Variants in PCDH15 observed in about 807,000 individuals in gnomAD.
PCDH15 encodes the protein protocadherin related 15, also known as protocadherin-15.
PCDH15 carries 129 observed loss-of-function variants against 178.5 expected under a neutral mutation model. The observed-to-expected ratio is 0.72, with a 90% CI of 0.63 to 0.84. The LOEUF (loss-of-function observed/expected upper bound fraction) is 0.84. Ranked by LOEUF, PCDH15 falls within the 40% of genes least tolerant of loss-of-function variation. PCDH15 has a pLI of 0.00. For synonymous variants in PCDH15, 800 were observed against 732.0 expected, an observed-to-expected ratio of 1.09 and a Z score of -1.50; for missense variants, 2,230 against 2,099.9, an observed-to-expected ratio of 1.06 and a Z score of -1.21.
intron 7 of PCDH15, among the ~76,000 whole-genome samples, chr10:54,327,168 A>T (rs1417375615): frequency 1.4e-5 from 2 of 138,234 alleles, no homozygotes; most frequent in African/African-American, 5.5e-5. Context: ...TCTATTAAAA[A>T]ATTATATCTT....
intron 2 of PCDH15, among the ~76,000 whole-genome samples, chr10:54,537,383 A>G (rs945437284): frequency 1.3e-5 from 2 of 152,140 alleles, no homozygotes; most frequent in Non-Finnish European, 2.9e-5. Context: ...AAACTACTCT[A>G]AAATATCAAG....
chr10:54,948,926 A>T (rs867829327), intron 2 of PCDH15, among the ~76,000 whole-genome samples: 12 of 151,934 alleles, frequency 7.9e-5, no homozygotes, highest in Admixed American at 2.6e-4. Flanking sequence ...GACACAGTAT[A>T]TGTTAGCCTT....
intron 2 of PCDH15, among the ~76,000 whole-genome samples, chr10:55,338,652 C>T (rs919866484): frequency 1.3e-5 from 2 of 151,986 alleles, no homozygotes; most frequent in Non-Finnish European, 2.9e-5. Context: ...CTTGTAATCC[C>T]TGCCACTTGG....
intron 2 of PCDH15, among the ~76,000 whole-genome samples, chr10:55,400,972 T>G (rs895389193): frequency 1.3e-5 from 2 of 152,074 alleles, no homozygotes; most frequent in Non-Finnish European, 2.9e-5. Flanking sequence ...CTCCTTTTGG[T>G]AAAAATATAA....
intron 1 of PCDH15, among the ~76,000 whole-genome samples, chr10:54,783,033 C>G (rs552060317): frequency 3.1e-4 from 47 of 152,074 alleles, no homozygotes; most frequent in Non-Finnish European, 2.2e-4. Context: ...AACTATTCCA[C>G]CAGTTGCACA....
chr10:55,219,707 GT>G (rs1173587911), intron 1 of PCDH15, among the ~76,000 whole-genome samples: 4 of 151,470 alleles, frequency 2.6e-5, no homozygotes, highest in African/African-American at 4.9e-5. Context: ...ATAACATTTA[GT>G]TTTTTTTAAA....
chr10:54,000,829 G>A (rs1039250377), intron 20 of PCDH15, among the ~76,000 whole-genome samples: 3 of 152,060 alleles, frequency 2.0e-5, no homozygotes, highest in Non-Finnish European at 1.5e-5. Flanking sequence ...CAATATCCAA[G>A]TACAAAAGAT....
rs1246309714 is a variant in PCDH15 at position 55,312,621 on chromosome 10, G to GAT, written c.-156+6977_-156+6978insAT. Among the ~76,000 whole-genome samples the GAT allele has an allele frequency of 8.9e-5, 13 of 145,330 alleles. 1 individual carries two copies. Among genetic ancestry groups the GAT allele is most frequent in the African/African-American group, 3.0e-4 (12 of 40,108 alleles). On this transcript the variant is annotated intron_variant, in intron 1 of 5. Coordinates refer to the PCDH15 transcript ENST00000458638. The stretch of plus-strand genomic sequence containing the variant: ...GATGTTGACTGCTCTAAGTAATAGA[G>GAT]TTTTTTTTTTTTTTAGACGTAGTTT...
chr10:55,544,135 C>CAGATAT (rs1841823291), intron 2 of PCDH15, among the ~76,000 whole-genome samples: 1 of 96,228 alleles, frequency 1.0e-5, no homozygotes, highest in East Asian at 2.7e-4. Flanking sequence ...AAATCTTATA[C>CAGATAT]ATACATATAT....
intron 2 of PCDH15, among the ~76,000 whole-genome samples, chr10:55,453,444 C>T (rs771792440): frequency 1.3e-5 from 2 of 152,084 alleles, no homozygotes; most frequent in Non-Finnish European, 2.9e-5. Flanking sequence ...CAAAAGCCAA[C>T]CTCTTTATGG....
intron 9 of PCDH15, among the ~76,000 whole-genome samples, chr10:54,216,593 C>G (rs2052095302): frequency 6.6e-6 from 1 of 152,174 alleles, no homozygotes; most frequent in Non-Finnish European, 1.5e-5. Flanking sequence ...ATTATTCCTA[C>G]ATTAAGATTT....
chr10:55,174,528 C>A (rs529997462), intron 1 of PCDH15, among the ~76,000 whole-genome samples: 2 of 152,146 alleles, frequency 1.3e-5, no homozygotes, highest in East Asian at 3.9e-4. Context: ...TGTCCAAGGT[C>A]GCATATGTGC....
At chr10:54,975,870 A>AC (rs921185038) in intron 2 of PCDH15, among the ~76,000 whole-genome samples, 2 of 152,180 alleles carry the variant, frequency 1.3e-5, no homozygotes, top group African/African-American at 4.8e-5. Flanking sequence ...AAATTAGCAC[A>AC]CTGGGGAATC....
intron 2 of PCDH15, among the ~76,000 whole-genome samples, chr10:55,344,727 G>C (rs987725524): frequency 6.6e-6 from 1 of 152,006 alleles, no homozygotes; most frequent in Non-Finnish European, 1.5e-5. Context: ...GTTGATTATA[G>C]ACTTCAAGGA....
At chr10:54,218,022 T>TG (rs1272065645) in intron 9 of PCDH15, among the ~76,000 whole-genome samples, 3 of 152,170 alleles carry the variant, frequency 2.0e-5, no homozygotes, top group Non-Finnish European at 4.4e-5. Flanking sequence ...ATTCATAAGT[T>TG]TACGAGTGTT....
intron 5 of PCDH15, among the ~76,000 whole-genome samples, chr10:54,362,659 G>T (rs1946223089): frequency 6.6e-6 from 1 of 151,950 alleles, no homozygotes; most frequent in African/African-American, 2.4e-5. Context: ...CGTGCGTCTA[G>T]AAAAACCTTT....
At chr10:54,263,065 TAC>T (rs751009406) in intron 8 of PCDH15, among the ~76,000 whole-genome samples, 1 of 152,242 alleles carries the variant, frequency 6.6e-6, no homozygotes, top group Non-Finnish European at 1.5e-5. Context: ...TCTTTGTCTC[TAC>T]ACTTGAAATA....
chr10:55,594,806 C>T (rs1842908250), intron 2 of PCDH15, among the ~76,000 whole-genome samples: 1 of 152,008 alleles, frequency 6.6e-6, no homozygotes, highest in Non-Finnish European at 1.5e-5. Flanking sequence ...CAAATTTCCC[C>T]TGATACACTC....
At chr10:55,077,891 A>C (rs979720090) in intron 2 of PCDH15, among the ~76,000 whole-genome samples, 1 of 151,644 alleles carries the variant, frequency 6.6e-6, no homozygotes, top group Non-Finnish European at 1.5e-5. Flanking sequence ...TCTCTTCTTT[A>C]TTTGTGTCAT....
Sources: gnomAD v4.1 joint callset for allele counts (sites outside exome capture counted in the v4.1 genomes callset) on GRCh38, gnomAD v4.1.1 for gene constraint, MANE v1.5 for transcripts, NCBI Gene and HGNC (gene_info 2026-07-23, HGNC 2026-07-21) for gene names.